The following GLG1 variants were observed in gnomAD, a reference collection of about 807,000 sequenced individuals.
GLG1 encodes the protein golgi glycoprotein 1, also known as Golgi apparatus protein 1.
In GLG1, 38 loss-of-function variants were observed where a neutral mutation model predicts 160.5. The ratio of observed to expected loss-of-function variants is 0.24; its 90% confidence interval spans 0.18 to 0.31. The LOEUF (loss-of-function observed/expected upper bound fraction) is 0.31, where lower values mean the gene tolerates loss of function less well. Ranked by LOEUF, GLG1 falls within the 10% of genes least tolerant of loss-of-function variation. The pLI, the probability that GLG1 is intolerant of heterozygous loss-of-function variation, is 1.00. For missense variants in GLG1, 1,373 were observed against 1,505.2 expected, an observed-to-expected ratio of 0.91 and a Z score of 1.45; for synonymous variants, 644 against 543.4, an observed-to-expected ratio of 1.19 and a Z score of -2.57.
At chr16:74,470,305 C>CTT (rs2015152332) in intron 15 of GLG1, among the ~76,000 whole-genome samples, 2 of 142,664 alleles carry the variant, frequency 1.4e-5, no homozygotes, top group Non-Finnish European at 3.1e-5. Context: ...TCCTTCCTTC[C>CTT]CTCCCTCCCT....
intron 1 of GLG1, chr16:74,552,339 C>T (rs1246420749): frequency 6.8e-6 from 4 of 592,504 alleles, no homozygotes; most frequent in Non-Finnish European, 1.3e-5. Flanking sequence ...GTCCACCTTC[C>T]TAAGTACCCA....
intron 1 of GLG1, among the ~76,000 whole-genome samples, chr16:74,575,021 G>T (rs1258204377): frequency 2.2e-5 from 1 of 44,874 alleles, no homozygotes. Flanking sequence ...GGGGGGGGGG[G>T]GCGGATCACG....
chr16:74,458,144 G>T, intron 23 of GLG1, 150 bp from the exon 24 acceptor site: 1 of 648,124 alleles, frequency 1.5e-6, no homozygotes. Flanking sequence ...AGGTGGTGAT[G>T]ATGTACAGAA....
rs373103490 is a variant in GLG1, at chr16:74,449,765, G to A, written c.*3402C>T. On this transcript the variant is annotated 3_prime_UTR_variant, in exon 26 of 26. Coordinates refer to ENST00000422840, the MANE Select transcript of GLG1 (RefSeq NM_001145667.2). ...GATGCACTAACACAGAACTGCAGCT[G>A]GGGGTGGTAGCCCGGGGAAGATCGC... 2.0e-5 allele frequency: 3 copies of A among 152,512 alleles called. No homozygotes were observed. The East Asian group carries it at 5.8e-4, about 29-fold the overall frequency. The allele number at this position is 152,512 out of a possible 1,614,324, so 9.4% of individuals were successfully genotyped here.
At position 74,511,872 on chromosome 16, in the gene GLG1, T is replaced by C. The variant is rs943918184; in HGVS notation, c.472-2947A>G. ...ATAAATTTCCTTATGAACAAGTCTC[T>C]TCCCTAAGAACCATGACAGTATTGT... On this transcript the variant is annotated intron_variant, in intron 2 of 25. Coordinates refer to ENST00000422840, the MANE Select transcript of GLG1 (RefSeq NM_001145667.2). Among the ~76,000 whole-genome samples the C allele has an allele frequency of 3.9e-5, 6 of 152,274 alleles. No individual in the cohort carries two copies. In the East Asian group the frequency reaches 1.2e-3, roughly 29 times the overall value.
chr16:74,545,471 C>T (rs1056923418), intron 1 of GLG1, among the ~76,000 whole-genome samples: 2 of 152,184 alleles, frequency 1.3e-5, no homozygotes, highest in Non-Finnish European at 2.9e-5. Context: ...ATGAGCCACA[C>T]CATGCCTGAC....
chr16:74,461,497 G>A (rs1295597149), intron 22 of GLG1: 3 of 105,376 alleles, frequency 2.8e-5, no homozygotes, highest in African/African-American at 7.3e-5. Context: ...TTGAGACAGA[G>A]TCTTCCTCTG....
chr16:74,596,568 A>G (rs900374307), intron 1 of GLG1, among the ~76,000 whole-genome samples: 1 of 152,312 alleles, frequency 6.6e-6, no homozygotes, highest in Non-Finnish European at 1.5e-5. Flanking sequence ...TTTGGTACTA[A>G]ATCTTCAAAA....
intron 2 of GLG1, among the ~76,000 whole-genome samples, chr16:74,510,423 A>AT (rs1166170295): frequency 2.0e-5 from 3 of 152,226 alleles, no homozygotes; most frequent in Non-Finnish European, 4.4e-5. Context: ...ATATTACTTT[A>AT]TTTTTGAAGC....
At chr16:74,573,927 G>A (rs1257158984) in intron 1 of GLG1, among the ~76,000 whole-genome samples, 1 of 151,896 alleles carries the variant, frequency 6.6e-6, no homozygotes, top group African/African-American at 2.4e-5. Context: ...CCAAGTAGCT[G>A]GGATTACAGG....
chr16:74,463,399 T>C lies in GLG1; in HGVS notation c.2748A>G (p.Lys916=), dbSNP rs762348526. ...GGCGCTTGGTTATCATCTGTTTGCA[T>C]TTGGGATCCATCAATTCACTGTTTT... ...QNKNSELMDP[K]CKQMITKRQI... Residue 916 remains lysine (K), a synonymous_variant, in exon 20 of 26, where the codon AAA becomes AAG. Coordinates refer to ENST00000422840, the MANE Select transcript of GLG1 (RefSeq NM_001145667.2). 2.0e-5 allele frequency: 32 copies of C among 1,613,958 alleles called. No individual in the cohort carries two copies. Among genetic ancestry groups the C allele is most frequent in the Non-Finnish European group, 2.5e-5 (30 of 1,179,910 alleles).
intron 1 of GLG1, among the ~76,000 whole-genome samples, chr16:74,555,655 C>T (rs563407315): frequency 2.0e-5 from 3 of 151,824 alleles, no homozygotes; most frequent in Admixed American, 6.6e-5. Flanking sequence ...CTCCATTGTG[C>T]TCCAGCCTGG....
chr16:74,541,786 A>G (rs1197426806), intron 1 of GLG1, among the ~76,000 whole-genome samples: 1 of 152,162 alleles, frequency 6.6e-6, no homozygotes, highest in African/African-American at 2.4e-5. Flanking sequence ...GTTTTATTGT[A>G]TGTGTATAGG....
At chr16:74,576,212 T>G (rs529726694) in intron 1 of GLG1, among the ~76,000 whole-genome samples, 8 of 151,840 alleles carry the variant, frequency 5.3e-5, no homozygotes, top group Non-Finnish European at 1.2e-4. Flanking sequence ...AAAAAAAAGT[T>G]CAAACTATTT....
At chr16:74,462,856 G>A (rs949557630) in intron 20 of GLG1, 12 of 558,342 alleles carry the variant, frequency 2.1e-5, no homozygotes, top group South Asian at 6.5e-5. Context: ...TCTACTCTGC[G>A]GGGTTTTGTG....
chr16:74,476,783 C>G (rs188939267), intron 12 of GLG1, among the ~76,000 whole-genome samples: 5 of 152,266 alleles, frequency 3.3e-5, no homozygotes, highest in Admixed American at 3.3e-4. Context: ...ATGAACTGAA[C>G]TGAATTTTAG....
intron 1 of GLG1, among the ~76,000 whole-genome samples, chr16:74,540,906 C>T (rs1248367376): frequency 1.8e-4 from 28 of 152,290 alleles, no homozygotes; most frequent in Admixed American, 5.9e-4. Flanking sequence ...AAGTCAGTTA[C>T]GGTGTCCACA....
intron 18 of GLG1, among the ~76,000 whole-genome samples, chr16:74,466,611 T>TA (rs1171851288): frequency 1.3e-5 from 2 of 151,794 alleles, no homozygotes; most frequent in African/African-American, 4.8e-5. Flanking sequence ...GGGAAAGGGG[T>TA]AATAGAGCAA....
At chr16:74,574,928 G>C (rs1238216008) in intron 1 of GLG1, among the ~76,000 whole-genome samples, 2 of 106,478 alleles carry the variant, frequency 1.9e-5, no homozygotes, top group Non-Finnish European at 3.5e-5. Context: ...GAGAGAGAGA[G>C]AGACAGGAGG....
Sources: allele counts gnomAD v4.1 joint callset (sites outside exome capture counted in the v4.1 genomes callset), GRCh38; gene constraint gnomAD v4.1.1; transcripts MANE v1.5; gene names NCBI Gene and HGNC (gene_info 2026-07-23, HGNC 2026-07-21).